The following EDARADD variants were observed in gnomAD, a reference collection of about 807,000 sequenced individuals.
EDARADD encodes EDAR associated via death domain.
Under a neutral mutation model 25.6 loss-of-function variants are expected in EDARADD, and 20 were observed. The observed-to-expected ratio is 0.78, with a 90% CI of 0.55 to 1.14. EDARADD has a LOEUF of 1.14. EDARADD is among the 50% of genes most tolerant of loss of function. The pLI, the probability that EDARADD is intolerant of heterozygous loss-of-function variation, is 0.00. For synonymous variants in EDARADD, 86 were observed against 94.4 expected, an observed-to-expected ratio of 0.91 and a Z score of 0.52; for missense variants, 225 against 270.1, an observed-to-expected ratio of 0.83 and a Z score of 1.17.
Position 236,395,045 on chromosome 1 carries a change from T to G in EDARADD, c.61+540T>G, listed in dbSNP as rs534565717. ...GCCATCATGCAGCGGCAGAGCCTGC[T>G]TAAAGATCAGGAAATTTGTCTAAAT... On this transcript the variant is annotated intron_variant, in intron 1 of 5. Coordinates refer to ENST00000334232, the MANE Select transcript of EDARADD (RefSeq NM_145861.4). This position sits in a 1 kb window ranked among gnomAD's most constrained non-coding sequence, Gnocchi z 6.9. Among the ~76,000 whole-genome samples the G allele has an allele frequency of 5.3e-4, 80 of 152,354 alleles. No homozygotes were observed. The South Asian group carries it at 0.016, about 31-fold the overall frequency.
chr1:236,375,590 A>C (rs894748188), intron 3 of EDARADD, among the ~76,000 whole-genome samples: 7 of 135,734 alleles, frequency 5.2e-5, no homozygotes, highest in African/African-American at 1.9e-4. Flanking sequence ...CAGGAGGTGG[A>C]GGTTGAAATT....
intron 4 of EDARADD, among the ~76,000 whole-genome samples, chr1:236,456,091 C>T (rs1031121398): frequency 6.6e-6 from 1 of 151,554 alleles, no homozygotes; most frequent in Non-Finnish European, 1.5e-5. Context: ...GCCCAGGTGC[C>T]TGTTCCTTTT....
chr1:236,394,000 TAA>T (rs200218626), upstream of EDARADD, among the ~76,000 whole-genome samples: 1 of 56,414 alleles, frequency 1.8e-5, no homozygotes, highest in African/African-American at 4.0e-5. Context: ...CAATCTTCCT[TAA>T]AAAAAAAAAC....
chr1:236,366,464 T>C (rs1667112906), intron 3 of EDARADD, among the ~76,000 whole-genome samples: 1 of 152,220 alleles, frequency 6.6e-6, no homozygotes. Flanking sequence ...TAATCTTTTC[T>C]GATAGTTCCG....
intron 5 of EDARADD, among the ~76,000 whole-genome samples, chr1:236,478,735 C>T (rs907805694): frequency 6.4e-4 from 98 of 152,072 alleles, no homozygotes; most frequent in Non-Finnish European, 1.2e-4. Context: ...TGCAGGCGCC[C>T]GCCATCACGC....
chr1:236,439,884 A>C (rs1274524236), intron 4 of EDARADD, among the ~76,000 whole-genome samples: 2 of 152,094 alleles, frequency 1.3e-5, no homozygotes, highest in African/African-American at 4.8e-5. Context: ...TCTTTCTTGG[A>C]TTGTGCCTTT....
At chr1:236,389,942 C>T (rs866231783), upstream of EDARADD, among the ~76,000 whole-genome samples, 2 of 152,166 alleles carry the variant, frequency 1.3e-5, no homozygotes, top group East Asian at 1.9e-4. Flanking sequence ...CTCAGGACGA[C>T]GACGCTGCAG....
chr1:236,353,822 G>T (rs1321280258), intron 3 of EDARADD, among the ~76,000 whole-genome samples: 1 of 152,002 alleles, frequency 6.6e-6, no homozygotes. Flanking sequence ...CTTTTACCCA[G>T]AACAGGCACC....
intron 3 of EDARADD, among the ~76,000 whole-genome samples, chr1:236,422,257 A>T (rs1657801438): frequency 6.6e-6 from 1 of 152,206 alleles, no homozygotes; most frequent in African/African-American, 2.4e-5. Flanking sequence ...ATGTTCTTAG[A>T]AGAGAAATGA....
intron 4 of EDARADD, among the ~76,000 whole-genome samples, chr1:236,457,623 A>G (rs540125287): frequency 6.6e-6 from 1 of 152,224 alleles, no homozygotes; most frequent in Admixed American, 6.5e-5. Context: ...GATAGAGACC[A>G]TCCTGGCCAA....
At chr1:236,418,119 A>C (rs1013563556) in intron 3 of EDARADD, among the ~76,000 whole-genome samples, 1 of 151,768 alleles carries the variant, frequency 6.6e-6, no homozygotes, top group Non-Finnish European at 1.5e-5. Context: ...ACGCCCAGCT[A>C]ATTTTTTGTA....
chr1:236,392,475 C>G (rs1215620114), upstream of EDARADD, among the ~76,000 whole-genome samples: 1 of 146,970 alleles, frequency 6.8e-6, no homozygotes, highest in Non-Finnish European at 1.5e-5. Flanking sequence ...CAGGCATGTA[C>G]CACCATGCTC....
chr1:236,454,706 G>A (rs971929696), intron 4 of EDARADD, among the ~76,000 whole-genome samples: 1 of 152,178 alleles, frequency 6.6e-6, no homozygotes, highest in Non-Finnish European at 1.5e-5. Flanking sequence ...TAGCAGAGTT[G>A]GCCCGGGGCC....
At chr1:236,472,428 A>C (rs973712176) in intron 5 of EDARADD, among the ~76,000 whole-genome samples, 8 of 152,010 alleles carry the variant, frequency 5.3e-5, no homozygotes, top group Admixed American at 4.6e-4. Flanking sequence ...CGAGGGTGGG[A>C]CCACACATCA....
At chr1:236,455,008 G>A (rs569220697) in intron 4 of EDARADD, among the ~76,000 whole-genome samples, 316 of 152,220 alleles carry the variant, frequency 2.1e-3, no homozygotes, top group Non-Finnish European at 3.5e-3. Context: ...TCAGGAGTTC[G>A]AGAGCAGCTT....
chr1:236,483,601 C>T lies in EDARADD; in HGVS notation c.*952C>T. On this transcript the variant is annotated 3_prime_UTR_variant, in exon 6 of 6. Transcript: ENST00000334232. Reference sequence around the variant, plus strand: ...TCTGGCAACTCCAAAGTCATCTTGCCAGTCCCGGTGTTCAATGTCATCAAT... The same window carrying T: ...TCTGGCAACTCCAAAGTCATCTTGCTAGTCCCGGTGTTCAATGTCATCAAT... 6.6e-7 allele frequency: 1 copy of T among 1,505,122 alleles called. No homozygotes were observed. The highest frequency in any genetic ancestry group is 9.2e-7 in the Non-Finnish European group (1 of 1,082,906). 93.2% of individuals were successfully genotyped at this position (1,505,122 alleles called of 1,614,324 possible). A position where few individuals can be genotyped will look rare whatever the true frequency, so the allele number is the denominator to read the frequency against.
chr1:236,422,517 G>T (rs1373714066), intron 3 of EDARADD, among the ~76,000 whole-genome samples: 1 of 152,216 alleles, frequency 6.6e-6, no homozygotes, highest in African/African-American at 2.4e-5. Flanking sequence ...GCAATAAGAT[G>T]ACTGCCTGAA....
chr1:236,389,186 G>A (rs1344278368), intron 3 of EDARADD, among the ~76,000 whole-genome samples: 1 of 152,160 alleles, frequency 6.6e-6, no homozygotes, highest in African/African-American at 2.4e-5. Flanking sequence ...CATGATCAAG[G>A]CACCAGGAAC....
chr1:236,415,936 C>T (rs1032131044), intron 3 of EDARADD, among the ~76,000 whole-genome samples: 2 of 152,174 alleles, frequency 1.3e-5, no homozygotes, highest in South Asian at 4.1e-4. Flanking sequence ...CTGCCCAGCA[C>T]GCACTAACGT....
Sources: allele counts gnomAD v4.1 joint callset (sites outside exome capture counted in the v4.1 genomes callset), GRCh38; gene constraint gnomAD v4.1.1; non-coding constraint Gnocchi (gnomAD v3.1); transcripts MANE v1.5; gene names NCBI Gene and HGNC (gene_info 2026-07-23, HGNC 2026-07-21).